DNAH7: variants seen among roughly 807,000 people sequenced by gnomAD.
The protein encoded by DNAH7 is axonemal beta dynein heavy chain 7.
Under a neutral mutation model 444.6 loss-of-function variants are expected in DNAH7, and 397 were observed. The observed-to-expected ratio is 0.89, with a 90% CI of 0.82 to 0.97. The LOEUF is 0.97. Ranked by LOEUF, DNAH7 falls within the 50% of genes least tolerant of loss-of-function variation. The pLI is 0.00. For synonymous variants in DNAH7, 1,636 were observed against 1,624.4 expected (o/e 1.01, Z -0.17); for missense variants, 4,902 against 4,800.8 (o/e 1.02, Z -0.62).
rs200184843 is a variant in DNAH7 at position 195,884,630 on chromosome 2, T to G, written c.5718A>C (p.Pro1906=). The G allele has an allele frequency of 5.0e-6, 8 of 1,614,186 alleles. No homozygotes were observed. In the South Asian group the frequency reaches 8.8e-5, roughly 18 times the overall value. The stretch of plus-strand genomic sequence containing the variant: ...CATAAATTGTTCCTTTTTCAGGAAA[T>G]GGGACAGTTAGTGCCTTTGAGGATG... ...EQTSSKALTV[P]FPEKGTIYDY... The change falls in exon 35 of 65, where the codon CCA becomes CCC. Residue 1906 remains proline, a synonymous_variant. Coordinates refer to ENST00000312428, the MANE Select transcript of DNAH7 (RefSeq NM_018897.3).
intron 57 of DNAH7, among the ~76,000 whole-genome samples, chr2:195,788,651 T>C (rs10196647): frequency 0.046 from 6,993 of 152,260 alleles, 239 homozygotes; most frequent in African/African-American, 0.095. Context: ...CTATTTTCAA[T>C]ATATTAGAGA....
At chr2:195,876,791 T>TTTAACC in intron 36 of DNAH7, 92 bp from the exon 37 acceptor site, 1 of 857,972 alleles carries the variant, frequency 1.2e-6, no homozygotes, top group Non-Finnish European at 1.8e-6. Flanking sequence ...TAGACTCGAA[T>TTTAACC]TTAACCTTAA....
intron 61 of DNAH7, among the ~76,000 whole-genome samples, chr2:195,759,074 G>A (rs1406704907): frequency 6.6e-6 from 1 of 152,194 alleles, no homozygotes; most frequent in Non-Finnish European, 1.5e-5. Flanking sequence ...TTAATAGAGT[G>A]CTTGCACCAC....
chr2:195,883,475 C>A (rs964711063), intron 35 of DNAH7, among the ~76,000 whole-genome samples: 1 of 144,160 alleles, frequency 6.9e-6, no homozygotes, highest in Non-Finnish European at 1.5e-5. Flanking sequence ...AAAAAAGAAT[C>A]AGAAACGCTG....
At position 195,960,859 on chromosome 2, in the gene DNAH7, G is replaced by A. The variant is rs769283133; in HGVS notation, c.2292C>T (p.Asn764=). Residue 764 remains asparagine, a synonymous_variant, in exon 18 of 65, where the codon AAC becomes AAT. Transcript: ENST00000312428. The stretch of plus-strand genomic sequence containing the variant: ...CAGTTTCATAAAGACGAAGATAAGG[G>A]TTCAAGCCATCTTGGATTTTTTTAC... ...PQRKKIQDGL[N]PYLRLYETAV... 3 of 1,613,904 alleles carry A rather than the reference G, an allele frequency of 1.9e-6. No homozygotes were observed. The highest frequency in any genetic ancestry group is 2.5e-6 in the Non-Finnish European group (3 of 1,179,988).
intron 60 of DNAH7, among the ~76,000 whole-genome samples, chr2:195,772,101 G>A (rs977020196): frequency 4.6e-5 from 7 of 152,208 alleles, no homozygotes; most frequent in Admixed American, 4.6e-4. Context: ...AGGAATAAGG[G>A]CATGTAATGT....
intron 2 of DNAH7, among the ~76,000 whole-genome samples, chr2:196,054,909 G>A (rs1697709771): frequency 6.6e-6 from 1 of 152,154 alleles, no homozygotes. Flanking sequence ...AGTTTCCTGA[G>A]GCCTCCCCAG....
chr2:196,049,809 G>A lies in DNAH7; in HGVS notation c.141+1378C>T, dbSNP rs908892981. Reference sequence around the variant, plus strand: ...TTATGCGTCTCAGCCATAGATATTCGATAAGAAAATTTAAATTAAGTTTAT... The same window carrying A: ...TTATGCGTCTCAGCCATAGATATTCAATAAGAAAATTTAAATTAAGTTTAT... On this transcript the variant is annotated intron_variant, in intron 3 of 64. Coordinates refer to ENST00000312428, the MANE Select transcript of DNAH7 (RefSeq NM_018897.3). Among the ~76,000 whole-genome samples the A allele has an allele frequency of 4.6e-5, 7 of 152,194 alleles. No homozygotes were observed. In the East Asian group the frequency reaches 9.6e-4, roughly 21 times the overall value.
intron 8 of DNAH7, among the ~76,000 whole-genome samples, chr2:196,022,703 G>A (rs188331461): frequency 4.6e-5 from 7 of 152,148 alleles, no homozygotes; most frequent in East Asian, 1.9e-4. Flanking sequence ...AAAGTCATCC[G>A]TAAGGGTTGA....
At chr2:195,824,628 G>C (rs1420253463) in intron 48 of DNAH7, among the ~76,000 whole-genome samples, 183 bp from the exon 49 acceptor site, 1 of 152,046 alleles carries the variant, frequency 6.6e-6, no homozygotes. Flanking sequence ...ACATTCTGTG[G>C]GAAGGACTTA....
At position 195,754,346 on chromosome 2, in the gene DNAH7, G is replaced by C. The variant is rs371692351; in HGVS notation, c.11755C>G (p.Pro3919Ala). 20 of 1,613,642 alleles carry C rather than the reference G, an allele frequency of 1.2e-5. No homozygotes were observed. In the African/African-American group the frequency reaches 2.0e-4, roughly 16 times the overall value. Reference protein sequence around the residue: ...VMEDKEYKHPPEDGVFIHGLF... With the variant: ...VMEDKEYKHPAEDGVFIHGLF... Reference sequence around the variant, plus strand: ...CTGTCCCTGCACTTACCATCCTCAGGAGGATGCTTGTATTCTTTGTCTTCC... The same window carrying C: ...CTGTCCCTGCACTTACCATCCTCAGCAGGATGCTTGTATTCTTTGTCTTCC... Residue 3919 changes from proline (P) to alanine (A), a missense_variant, in exon 63 of 65, where the codon CCT becomes GCT. Pro to Ala is a conservative substitution (Grantham distance 27). Transcript: ENST00000312428.
chr2:195,801,665 T>A (rs1696464429), intron 54 of DNAH7, among the ~76,000 whole-genome samples: 1 of 152,212 alleles, frequency 6.6e-6, no homozygotes, highest in South Asian at 2.1e-4. Flanking sequence ...AGGTGCCAAG[T>A]ATCTTAAAAC....
intron 40 of DNAH7, among the ~76,000 whole-genome samples, chr2:195,871,510 A>C (rs1243640446): frequency 6.6e-6 from 1 of 152,164 alleles, no homozygotes; most frequent in Non-Finnish European, 1.5e-5. Context: ...AGAGAGCTTA[A>C]ATACATTTTT....
rs1694777064 is a variant in DNAH7, at chr2:195,770,359, C to G, written c.11433+1301G>C. On this transcript the variant is annotated intron_variant, in intron 61 of 64. Coordinates refer to ENST00000312428, the MANE Select transcript of DNAH7 (RefSeq NM_018897.3). The stretch of plus-strand genomic sequence containing the variant: ...ATTTATACTTTAAAATCAAATAAAA[C>G]AAAATTTAAGACCCTAACTATGGCT... Among the ~76,000 whole-genome samples the G allele has an allele frequency of 3.3e-5, 5 of 152,088 alleles. No individual in the cohort carries two copies. The South Asian group carries it at 1.0e-3, about 32-fold the overall frequency.
chr2:195,948,876 C>G (rs1266150382), intron 19 of DNAH7, among the ~76,000 whole-genome samples: 2 of 151,996 alleles, frequency 1.3e-5, no homozygotes, highest in Non-Finnish European at 2.9e-5. Context: ...CTATTAATTA[C>G]TTTGGGCAGT....
intron 46 of DNAH7, among the ~76,000 whole-genome samples, chr2:195,847,041 T>C (rs1219924812): frequency 1.4e-5 from 2 of 145,348 alleles, no homozygotes; most frequent in Non-Finnish European, 3.0e-5. Context: ...TAGTAGTTAA[T>C]ACTACTTTAT....
At chr2:195,893,916 T>A (rs1295092917) in intron 30 of DNAH7, 5 of 151,396 alleles carry the variant, frequency 3.3e-5, no homozygotes, top group African/African-American at 1.2e-4. Context: ...TATATATATA[T>A]AAAAGATCAG....
intron 11 of DNAH7, 120 bp downstream of exon 11, chr2:196,001,555 G>A (rs1574990486): frequency 3.2e-6 from 3 of 940,670 alleles, no homozygotes; most frequent in African/African-American, 3.4e-5. Context: ...TAAGATAAGT[G>A]TAATAGGTCT....
intron 19 of DNAH7, 93 bp downstream of exon 19, chr2:195,957,168 A>T: frequency 9.2e-7 from 1 of 1,088,992 alleles, no homozygotes; most frequent in Non-Finnish European, 1.3e-6. Context: ...ATAATGGCTT[A>T]TTGGAAACAA....
Sources: gnomAD v4.1 joint callset for allele counts (sites outside exome capture counted in the v4.1 genomes callset) on GRCh38, gnomAD v4.1.1 for gene constraint, MANE v1.5 for transcripts, NCBI Gene and HGNC (gene_info 2026-07-23, HGNC 2026-07-21) for gene names.